NUGGC: variants seen among roughly 807,000 people sequenced by gnomAD.
NUGGC encodes nuclear GTPase SLIP-GC.
Under a neutral mutation model 92.6 loss-of-function variants are expected in NUGGC, and 58 were observed. The ratio of observed to expected loss-of-function variants is 0.63; its 90% confidence interval spans 0.51 to 0.78. NUGGC has a LOEUF of 0.78. NUGGC is among the 30% of genes least tolerant of loss of function. The probability of loss-of-function intolerance (pLI) is 0.00; values close to 1 mark genes in which losing one functional copy is unlikely to be tolerated. For synonymous variants in NUGGC, 376 were observed against 366.4 expected, an observed-to-expected ratio of 1.03 and a Z score of -0.30; for missense variants, 925 against 964.6, an observed-to-expected ratio of 0.96 and a Z score of 0.54.
rs924515048 is a variant in NUGGC, at chr8:28,074,458, T to C, written c.-46-2A>G. The C allele has an allele frequency of 2.5e-6, 4 of 1,607,088 alleles. No individual in the cohort carries two copies. Among genetic ancestry groups the C allele is most frequent in the Non-Finnish European group, 2.6e-6 (3 of 1,175,146 alleles). On this transcript the variant is annotated splice_acceptor_variant, in intron 1 of 18. Transcript: ENST00000413272. LOFTEE classifies it low-confidence loss of function (5UTR_SPLICE). ...TCTTCTCAGTTCAGGAGAACCAGCCTGTGAAGACAAAGTACAAAGACAGGT... is the reference window on the plus strand; with the variant it reads ...TCTTCTCAGTTCAGGAGAACCAGCCCGTGAAGACAAAGTACAAAGACAGGT...
chr8:28,039,531 C>T (rs1279091344), intron 13 of NUGGC, among the ~76,000 whole-genome samples: 1 of 152,228 alleles, frequency 6.6e-6, no homozygotes, highest in Non-Finnish European at 1.5e-5. Context: ...CACACTCAGG[C>T]TCATCTAGAC....
At chr8:28,051,335 T>A (rs1270662959) in intron 10 of NUGGC, among the ~76,000 whole-genome samples, 34 of 152,152 alleles carry the variant, frequency 2.2e-4, no homozygotes, top group Admixed American at 2.2e-3. Flanking sequence ...ACATTGAGCA[T>A]CAGAATGAAC....
intron 7 of NUGGC, among the ~76,000 whole-genome samples, chr8:28,063,401 C>T (rs543216095): frequency 2.6e-5 from 4 of 152,238 alleles, no homozygotes; most frequent in Admixed American, 6.5e-5. Flanking sequence ...GGCTGTCGCT[C>T]TCTCGGCCGG....
chr8:28,056,576 A>G (rs577917592), intron 9 of NUGGC, among the ~76,000 whole-genome samples: 4 of 152,296 alleles, frequency 2.6e-5, no homozygotes, highest in African/African-American at 9.6e-5. Context: ...ATTGAAAAAG[A>G]TTTGAAGATT....
chr8:28,057,755 A>T (rs938786310), intron 9 of NUGGC, among the ~76,000 whole-genome samples: 1 of 152,200 alleles, frequency 6.6e-6, no homozygotes, highest in South Asian at 2.1e-4. Flanking sequence ...AAGACTGCCA[A>T]TCAACAGTGG....
Position 28,058,265 on chromosome 8 carries a change from G to T in NUGGC, c.1109C>A (p.Ala370Glu). 2 of 507,650 alleles carry T rather than the reference G, an allele frequency of 3.9e-6. No homozygotes were observed. Among genetic ancestry groups the T allele is most frequent in the Non-Finnish European group, 6.2e-6 (2 of 324,780 alleles). 31.4% of individuals were successfully genotyped at this position (507,650 alleles called of 1,614,324 possible). ...HLPEYLRERK[A>E]GNQAIQSQRE... ...AAACTAGTTCATACTTACATTTCCTGCCTTTCTTTCCCTGAAATGAAATTA... is the reference window on the plus strand; with the variant it reads ...AAACTAGTTCATACTTACATTTCCTTCCTTTCTTTCCCTGAAATGAAATTA... The change falls in exon 9 of 19, where the codon GCA (alanine) becomes GAA (glutamate). Residue 370 changes from alanine to glutamate, a missense_variant. By Grantham distance (107) the Ala-to-Glu change is moderately radical (BLOSUM62 -1). Transcript: ENST00000413272.
intron 9 of NUGGC, among the ~76,000 whole-genome samples, chr8:28,056,303 C>T (rs1204496786): frequency 6.7e-6 from 1 of 150,170 alleles, no homozygotes; most frequent in Non-Finnish European, 1.5e-5. Flanking sequence ...CCAGTGAAAC[C>T]CCATCTCTAC....
chr8:28,026,450 G>T (rs1809262162), intron 18 of NUGGC, among the ~76,000 whole-genome samples: 1 of 152,172 alleles, frequency 6.6e-6, no homozygotes, highest in African/African-American at 2.4e-5. Flanking sequence ...GCATCCCCAG[G>T]CTATAGGTGG....
At chr8:28,072,069 G>A (rs1440130397) in intron 2 of NUGGC, among the ~76,000 whole-genome samples, 2 of 152,282 alleles carry the variant, frequency 1.3e-5, no homozygotes, top group East Asian at 1.9e-4. Context: ...AGTAGAAATG[G>A]AAGCCAACGC....
At chr8:28,063,637 G>A (rs1335945996) in intron 7 of NUGGC, among the ~76,000 whole-genome samples, 1 of 152,158 alleles carries the variant, frequency 6.6e-6, no homozygotes, top group African/African-American at 2.4e-5. Context: ...TGTGGTCCTG[G>A]ACAAGTGACT....
intron 12 of NUGGC, among the ~76,000 whole-genome samples, chr8:28,044,558 C>G (rs1354219473): frequency 6.6e-6 from 1 of 152,170 alleles, no homozygotes; most frequent in African/African-American, 2.4e-5. Context: ...ATTTGGTTTT[C>G]CCGGTTGGTA....
In NUGGC at chr8:28,069,642, C is replaced by A; in HGVS notation, c.159G>T (p.Leu53Phe). Reference sequence around the variant, plus strand: ...TCAAAACCCTTCTGGTCCGTGATTCCAATTTTTCATCTGGAATTAACAGAG... The same window carrying A: ...TCAAAACCCTTCTGGTCCGTGATTCAAATTTTTCATCTGGAATTAACAGAG... ...EQSALKEYEK[L>F]ESRTRRVLSN... The change falls in exon 4 of 19, where the codon TTG (leucine) becomes TTT (phenylalanine). Residue 53 changes from leucine to phenylalanine, a missense_variant. Physicochemically the swap from Leu to Phe is conservative, Grantham distance 22 (BLOSUM62 0). Coordinates refer to ENST00000413272, the MANE Select transcript of NUGGC (RefSeq NM_001010906.2). The A allele has an allele frequency of 6.3e-7, 1 of 1,598,898 alleles. No homozygotes were observed.
intron 10 of NUGGC, among the ~76,000 whole-genome samples, chr8:28,054,550 A>C (rs1235814324): frequency 1.3e-5 from 2 of 152,194 alleles, no homozygotes; most frequent in African/African-American, 4.8e-5. Flanking sequence ...CTTTAGTGAT[A>C]AAATAGTAAA....
Position 28,064,785 on chromosome 8 carries a change from C to A in NUGGC, c.712-54G>T, listed in dbSNP as rs551997819. Reference sequence around the variant, plus strand: ...CCAGCCATGCACCCAGCTCTGTTCACCCCGGTTGGCTGTGATGCAGGTTCA... The same window carrying A: ...CCAGCCATGCACCCAGCTCTGTTCAACCCGGTTGGCTGTGATGCAGGTTCA... On this transcript the variant is annotated intron_variant, in intron 6 of 18. Transcript: ENST00000413272. 6.7e-6 allele frequency: 10 copies of A among 1,491,534 alleles called. No individual in the cohort carries two copies. In the East Asian group the frequency reaches 2.0e-4, roughly 30 times the overall value. The allele number at this position is 1,491,534 out of a possible 1,614,324, so 92.4% of individuals were successfully genotyped here. A position where few individuals can be genotyped will look rare whatever the true frequency, so the allele number is the denominator to read the frequency against.
chr8:28,054,909 A>G (rs1369274436), intron 10 of NUGGC, among the ~76,000 whole-genome samples: 2 of 152,078 alleles, frequency 1.3e-5, no homozygotes, highest in Non-Finnish European at 2.9e-5. Flanking sequence ...AAAATTGGCC[A>G]GGTGCAGTGG....
intron 1 of NUGGC, among the ~76,000 whole-genome samples, chr8:28,078,201 AAATTATGTGGTTTGGT>A (rs1810769393): frequency 6.6e-6 from 1 of 152,196 alleles, no homozygotes; most frequent in African/African-American, 2.4e-5. Flanking sequence ...GAATCATTGG[AAATTATGTGGTTTGGT>A]TGTGGTGGAT....
chr8:28,033,747 A>G lies in NUGGC; in HGVS notation c.1612-50T>C, dbSNP rs1163906562. The G allele has an allele frequency of 3.2e-6, 5 of 1,540,994 alleles. No homozygotes were observed. In the Middle Eastern group the frequency reaches 5.0e-4, roughly 156 times the overall value. ...AGAGTTAGGCATTAACTGGAAGGTC[A>G]CTGGATTAGAATTGCATTGCCCTGG... On this transcript the variant is annotated intron_variant, in intron 13 of 18. Transcript: ENST00000413272.
chr8:28,068,510 A>C, intron 4 of NUGGC, 72 bp from the exon 5 acceptor site: 1 of 1,048,784 alleles, frequency 9.5e-7, no homozygotes, highest in African/African-American at 1.6e-5. Flanking sequence ...AACAGAATGC[A>C]AAGGAACTGA....
intron 14 of NUGGC, among the ~76,000 whole-genome samples, chr8:28,032,684 C>T (rs189861229): frequency 3.4e-5 from 5 of 149,134 alleles, no homozygotes; most frequent in South Asian, 4.3e-4. Context: ...CGCCACTGCA[C>T]CACTCCAGCC....
Sources: gnomAD v4.1 joint callset for allele counts (sites outside exome capture counted in the v4.1 genomes callset) on GRCh38, gnomAD v4.1.1 for gene constraint, MANE v1.5 for transcripts, NCBI Gene and HGNC (gene_info 2026-07-23, HGNC 2026-07-21) for gene names.